Variants in ZDHHC14 observed in about 807,000 individuals in gnomAD.
ZDHHC14 encodes zDHHC palmitoyltransferase 14, also known as palmitoyltransferase ZDHHC14.
In ZDHHC14, 16 loss-of-function variants were observed where a neutral mutation model predicts 47.7. That is an observed-to-expected ratio of 0.34 (90% confidence interval 0.23 to 0.51). The LOEUF (loss-of-function observed/expected upper bound fraction) is 0.51. Among genes scored for constraint, ZDHHC14 ranks in the 20% least tolerant of loss-of-function variants. ZDHHC14 has a pLI of 0.97. For missense variants in ZDHHC14, 515 were observed against 662.5 expected (o/e 0.78, Z 2.44); for synonymous variants, 293 against 278.9 (o/e 1.05, Z -0.50).
intron 3 of ZDHHC14, among the ~76,000 whole-genome samples, chr6:157,611,635 G>C (rs940137804): frequency 2.0e-5 from 3 of 152,176 alleles, no homozygotes; most frequent in South Asian, 2.1e-4. Context: ...GGTTGGAGAC[G>C]ATCCAGCAAG....
intron 1 of ZDHHC14, among the ~76,000 whole-genome samples, chr6:157,435,580 C>T (rs573838641): frequency 3.2e-4 from 48 of 152,084 alleles, no homozygotes; most frequent in Middle Eastern, 3.4e-3. Flanking sequence ...GGCTCTTTTG[C>T]CCAGGCTGGA....
intron 1 of ZDHHC14, among the ~76,000 whole-genome samples, chr6:157,416,938 T>G (rs1358471984): frequency 7.0e-6 from 1 of 142,464 alleles, no homozygotes; most frequent in African/African-American, 2.6e-5. Context: ...CCCAAGTAGT[T>G]GGGATTACAG....
intron 2 of ZDHHC14, among the ~76,000 whole-genome samples, chr6:157,549,731 T>A (rs936457100): frequency 1.3e-5 from 2 of 152,178 alleles, no homozygotes; most frequent in African/African-American, 4.8e-5. Context: ...CCACAAGATT[T>A]TGAAGGGTCT....
intron 1 of ZDHHC14, among the ~76,000 whole-genome samples, chr6:157,530,001 G>A (rs879874669): frequency 2.6e-5 from 4 of 152,144 alleles, no homozygotes; most frequent in Admixed American, 2.6e-4. Context: ...TAGACAATTA[G>A]CTGTGTACAT....
chr6:157,558,144 G>A (rs1257260111), intron 2 of ZDHHC14, among the ~76,000 whole-genome samples: 1 of 151,728 alleles, frequency 6.6e-6, no homozygotes, highest in Non-Finnish European at 1.5e-5. Flanking sequence ...CTCTTTTTTT[G>A]TACTAAATCT....
At chr6:157,587,168 G>C (rs776564625) in intron 2 of ZDHHC14, among the ~76,000 whole-genome samples, 53 of 152,308 alleles carry the variant, frequency 3.5e-4, no homozygotes, top group Non-Finnish European at 5.9e-4. Context: ...ATCAGGTCTA[G>C]TTTTTCTACC....
chr6:157,405,462 G>T (rs1484953059), intron 1 of ZDHHC14, among the ~76,000 whole-genome samples: 1 of 152,080 alleles, frequency 6.6e-6, no homozygotes, highest in Non-Finnish European at 1.5e-5. Context: ...TCGATCTCCT[G>T]ACCTCGTGAT....
At chr6:157,547,254 G>T (rs960304939) in intron 2 of ZDHHC14, among the ~76,000 whole-genome samples, 3 of 152,070 alleles carry the variant, frequency 2.0e-5, no homozygotes, top group Non-Finnish European at 4.4e-5. Context: ...CCTATCTTCG[G>T]TCATCACCCA....
chr6:157,413,014 C>G (rs921080427), intron 1 of ZDHHC14, among the ~76,000 whole-genome samples: 1 of 152,096 alleles, frequency 6.6e-6, no homozygotes. Context: ...GAGGTCGGCT[C>G]ACAGTACTGA....
At chr6:157,413,589 C>CTTT (rs879656638) in intron 1 of ZDHHC14, among the ~76,000 whole-genome samples, 1 of 139,546 alleles carries the variant, frequency 7.2e-6, no homozygotes, top group Non-Finnish European at 1.6e-5. Context: ...TCCTTCCTTT[C>CTTT]TTTTTTTTTT....
chr6:157,556,003 A>G (rs893955443), intron 2 of ZDHHC14, among the ~76,000 whole-genome samples: 1 of 152,284 alleles, frequency 6.6e-6, no homozygotes, highest in Non-Finnish European at 1.5e-5. Context: ...TTCACAAGAC[A>G]CGCAGGCCAT....
In ZDHHC14 at chr6:157,658,170, C is replaced by T. The variant is rs1583087259; in HGVS notation, c.1068+4543C>T. 2.0e-5 allele frequency among the ~76,000 whole-genome samples: 3 copies of T among 152,240 alleles called. No individual in the cohort carries two copies. The East Asian group carries it at 5.8e-4, about 29-fold the overall frequency. ...AGCAACCGGAAAATAATAGAGATGACTGGCATGAGGGAAAGAGCCCAGAAT... is the reference window on the plus strand; with the variant it reads ...AGCAACCGGAAAATAATAGAGATGATTGGCATGAGGGAAAGAGCCCAGAAT... On this transcript the variant is annotated intron_variant, in intron 8 of 8. Coordinates refer to ENST00000359775, the MANE Select transcript of ZDHHC14 (RefSeq NM_024630.3).
Position 157,678,089 on chromosome 6 carries a change from T to C in ZDHHC14, c.*4967T>C, listed in dbSNP as rs1583114511. The stretch of plus-strand genomic sequence containing the variant: ...TTTTAATCAATGTTTGCAGAATTTA[T>C]CTTAAACCTGAGATGAATTAAAAAA... On this transcript the variant is annotated 3_prime_UTR_variant, in exon 9 of 9. Coordinates refer to ENST00000359775, the MANE Select transcript of ZDHHC14 (RefSeq NM_024630.3). 6.6e-6 allele frequency: 1 copy of C among 152,244 alleles called. No homozygotes were observed. The highest frequency in any genetic ancestry group is 6.5e-5 in the Admixed American group (1 of 15,282). 9.4% of individuals were successfully genotyped at this position (152,244 alleles called of 1,614,324 possible). A position where few individuals can be genotyped will look rare whatever the true frequency, so the allele number is the denominator to read the frequency against.
intron 2 of ZDHHC14, among the ~76,000 whole-genome samples, chr6:157,577,960 T>G (rs1783368196): frequency 6.6e-6 from 1 of 152,250 alleles, no homozygotes; most frequent in Non-Finnish European, 1.5e-5. Flanking sequence ...GTTGAGCATT[T>G]TTTTCATATG....
At position 157,673,272 on chromosome 6, in the gene ZDHHC14, C is replaced by A; in HGVS notation, c.*150C>A. On this transcript the variant is annotated 3_prime_UTR_variant, in exon 9 of 9. Transcript: ENST00000359775. The surrounding 1 kb of genome is among the most constrained non-coding windows in gnomAD (Gnocchi z 5.4). Reference sequence around the variant, plus strand: ...GGGGTACAGAGACCACTTAGGATGGCACAGGGTGGCTGGCCCCGGATGCTG... The same window carrying A: ...GGGGTACAGAGACCACTTAGGATGGAACAGGGTGGCTGGCCCCGGATGCTG... The A allele has an allele frequency of 1.9e-6, 2 of 1,067,818 alleles. No homozygotes were observed. The allele number at this position is 1,067,818 out of a possible 1,614,324, so 66.1% of individuals were successfully genotyped here.
chr6:157,570,524 G>A (rs925160903), intron 2 of ZDHHC14, among the ~76,000 whole-genome samples: 30 of 152,150 alleles, frequency 2.0e-4, no homozygotes, highest in Non-Finnish European at 5.9e-5. Context: ...CAATTTGAGG[G>A]AAATTAAAAC....
rs75942105 is a variant in ZDHHC14 at position 157,574,418 on chromosome 6, G to A, written c.407-18570G>A. ...AGGCTGGGTGACAGAGTGAGACTCC[G>A]TCTCAAATAAACATTGGAGCACCCG... On this transcript the variant is annotated intron_variant, in intron 2 of 8. Transcript: ENST00000359775. Among the ~76,000 whole-genome samples, 259 of 152,214 alleles carry A rather than the reference G, an allele frequency of 1.7e-3. 5 individuals are homozygous for A. In the East Asian group the frequency reaches 0.039, roughly 23 times the overall value.
chr6:157,516,100 A>T (rs1331724702), intron 1 of ZDHHC14, among the ~76,000 whole-genome samples: 1 of 152,162 alleles, frequency 6.6e-6, no homozygotes, highest in Non-Finnish European at 1.5e-5. Flanking sequence ...CTGCTTATAA[A>T]CTCGATAGTA....
chr6:157,612,922 G>T, intron 3 of ZDHHC14, among the ~76,000 whole-genome samples: 1 of 150,816 alleles, frequency 6.6e-6, no homozygotes, highest in Non-Finnish European at 1.5e-5. Flanking sequence ...AAAAAGCCTC[G>T]GGCACCCAAT....
Sources: gnomAD v4.1 joint callset for allele counts (sites outside exome capture counted in the v4.1 genomes callset) on GRCh38, gnomAD v4.1.1 for gene constraint, Gnocchi (gnomAD v3.1) non-coding constraint, MANE v1.5 for transcripts, NCBI Gene and HGNC (gene_info 2026-07-23, HGNC 2026-07-21) for gene names.